The following CNTN4 variants were observed in gnomAD, a reference collection of about 807,000 sequenced individuals.
The protein encoded by CNTN4 is contactin 4, also known as contactin-4.
A neutral mutation model predicts 122.5 loss-of-function variants in CNTN4; 77 were observed. The ratio of observed to expected loss-of-function variants is 0.63; its 90% CI spans 0.52 to 0.76. The LOEUF is 0.76. Among genes scored for constraint, CNTN4 ranks in the 30% least tolerant of loss-of-function variants. The probability of loss-of-function intolerance (pLI) is 0.00; values close to 1 mark genes in which losing one functional copy is unlikely to be tolerated. For missense variants in CNTN4, 1,256 were observed against 1,259.1 expected, an observed-to-expected ratio of 1.00 and a Z score of 0.04; for synonymous variants, 512 against 447.0, an observed-to-expected ratio of 1.15 and a Z score of -1.83.
intron 15 of CNTN4, among the ~76,000 whole-genome samples, chr3:3,026,504 C>A (rs1039225050): frequency 5.9e-5 from 9 of 152,124 alleles, no homozygotes; most frequent in Non-Finnish European, 1.3e-4. Context: ...ATTATTCATT[C>A]CTGTGTATGG....
intron 13 of CNTN4, among the ~76,000 whole-genome samples, chr3:2,977,424 C>CT (rs1209194650): frequency 6.6e-6 from 1 of 152,218 alleles, no homozygotes; most frequent in African/African-American, 2.4e-5. Context: ...AGGCCCTAAT[C>CT]TTTTTTTTCC....
chr3:2,834,163 A>G (rs953781747), intron 7 of CNTN4, among the ~76,000 whole-genome samples: 1 of 151,958 alleles, frequency 6.6e-6, no homozygotes, highest in Non-Finnish European at 1.5e-5. Context: ...TAAATAAAAA[A>G]TAATAATTAA....
At chr3:2,815,317 A>G (rs2092701664) in intron 6 of CNTN4, among the ~76,000 whole-genome samples, 1 of 152,198 alleles carries the variant, frequency 6.6e-6, no homozygotes, top group Admixed American at 6.5e-5. Flanking sequence ...ACAGAGTGGA[A>G]GAAACTCTTC....
At chr3:2,443,148 TAAAA>T (rs10576200) in intron 3 of CNTN4, among the ~76,000 whole-genome samples, 1 of 139,872 alleles carries the variant, frequency 7.1e-6, no homozygotes. Context: ...AAATAAAAGT[TAAAA>T]AAAAAAAAAA....
chr3:2,595,079 A>G (rs1453528495), intron 4 of CNTN4, among the ~76,000 whole-genome samples: 1 of 152,222 alleles, frequency 6.6e-6, no homozygotes, highest in Non-Finnish European at 1.5e-5. Context: ...CAAGCTATAC[A>G]TTAGTGGGAA....
intron 14 of CNTN4, among the ~76,000 whole-genome samples, chr3:3,025,443 G>T (rs1698645548): frequency 6.6e-6 from 1 of 151,950 alleles, no homozygotes; most frequent in Non-Finnish European, 1.5e-5. Context: ...GTTGACAAAG[G>T]AATAAACATG....
chr3:2,543,507 T>C (rs1312200610), intron 3 of CNTN4, among the ~76,000 whole-genome samples: 1 of 152,092 alleles, frequency 6.6e-6, no homozygotes, highest in African/African-American at 2.4e-5. Context: ...GGTTTAGCAC[T>C]GGACTCTGCT....
intron 4 of CNTN4, among the ~76,000 whole-genome samples, chr3:2,652,116 G>A (rs536780990): frequency 1.3e-4 from 20 of 151,374 alleles, no homozygotes; most frequent in African/African-American, 4.6e-4. Flanking sequence ...AACATTTTTC[G>A]ATTGCTGAGG....
intron 12 of CNTN4, among the ~76,000 whole-genome samples, chr3:2,917,397 A>T (rs561237709): frequency 3.1e-4 from 47 of 152,292 alleles, no homozygotes; most frequent in Non-Finnish European, 6.0e-4. Context: ...TTTAAAAAAT[A>T]GAAGATTTAG....
intron 6 of CNTN4, among the ~76,000 whole-genome samples, chr3:2,782,087 G>A (rs1424663089): frequency 6.6e-6 from 1 of 151,938 alleles, no homozygotes; most frequent in Non-Finnish European, 1.5e-5. Context: ...TTATGCAGAT[G>A]AAGCTTTTAG....
rs59025670 is a variant in CNTN4, at chr3:2,659,460, CAAAAAAAA to C, written c.56-76740_56-76733del. On this transcript the variant is annotated intron_variant, in intron 4 of 24. Coordinates refer to ENST00000418658, the MANE Select transcript of CNTN4 (RefSeq NM_175607.3). The stretch of plus-strand genomic sequence containing the variant: ...CTGGGTGACAGAGGAGACTCCATCT[CAAAAAAAA>C]AAAAAAAAAAAAAAGAAGAAGAAGA... Among the ~76,000 whole-genome samples the C allele has an allele frequency of 5.6e-5, 3 of 53,980 alleles. 1 individual carries two copies. The South Asian group carries it at 2.4e-3, about 43-fold the overall frequency. The allele number at this position is 53,980 out of a possible 152,430, so 35.4% of individuals were successfully genotyped here.
At chr3:2,123,077 G>A (rs2033903084) in intron 2 of CNTN4, among the ~76,000 whole-genome samples, 1 of 152,282 alleles carries the variant, frequency 6.6e-6, no homozygotes, top group South Asian at 2.1e-4. Flanking sequence ...GGCATCCTCA[G>A]CAAAGTGATA....
intron 2 of CNTN4, among the ~76,000 whole-genome samples, chr3:2,179,652 ACACT>A (rs2036922935): frequency 6.6e-6 from 1 of 151,814 alleles, no homozygotes; most frequent in South Asian, 2.1e-4. Flanking sequence ...TCACTTATTT[ACACT>A]CAGTGTTTTT....
chr3:2,191,428 G>A (rs771687689), intron 2 of CNTN4, among the ~76,000 whole-genome samples: 1 of 151,992 alleles, frequency 6.6e-6, no homozygotes, highest in Non-Finnish European at 1.5e-5. Flanking sequence ...CCCCGTAGTA[G>A]ACAATTTAAA....
intron 2 of CNTN4, among the ~76,000 whole-genome samples, chr3:2,264,951 G>A (rs533358143): frequency 6.6e-6 from 1 of 151,998 alleles, no homozygotes; most frequent in South Asian, 2.1e-4. Flanking sequence ...AGATTTTGGT[G>A]CCCCCATCAC....
At chr3:2,991,333 T>G (rs953166652) in intron 14 of CNTN4, among the ~76,000 whole-genome samples, 12 of 152,168 alleles carry the variant, frequency 7.9e-5, no homozygotes, top group Non-Finnish European at 1.5e-4. Context: ...CCAGGTAGCC[T>G]GATTGACAGG....
rs141709458 is a variant in CNTN4, at chr3:2,928,441, T to G, written c.1358+2662T>G. On this transcript the variant is annotated intron_variant, in intron 13 of 24. Transcript: ENST00000418658. Reference sequence around the variant, plus strand: ...GAGAAAAAGCAATTGTAGATGAAACTGATGAGTAAAAAATTTTAGAACCCC... The same window carrying G: ...GAGAAAAAGCAATTGTAGATGAAACGGATGAGTAAAAAATTTTAGAACCCC... 6.6e-5 allele frequency among the ~76,000 whole-genome samples: 10 copies of G among 152,334 alleles called. No individual in the cohort carries two copies. The East Asian group carries it at 1.9e-3, about 29-fold the overall frequency.
chr3:3,012,694 C>T (rs980317529), intron 14 of CNTN4, among the ~76,000 whole-genome samples: 9 of 152,190 alleles, frequency 5.9e-5, no homozygotes, highest in African/African-American at 1.2e-4. Flanking sequence ...ATTGGCTGGG[C>T]GCCGTGGCTC....
At chr3:2,941,752 A>T (rs1254035932) in intron 13 of CNTN4, among the ~76,000 whole-genome samples, 2 of 152,098 alleles carry the variant, frequency 1.3e-5, no homozygotes, top group East Asian at 1.9e-4. Flanking sequence ...ATCAAATCTC[A>T]TCACAAATGC....
Sources: gnomAD v4.1 joint callset for allele counts (sites outside exome capture counted in the v4.1 genomes callset) on GRCh38, gnomAD v4.1.1 for gene constraint, MANE v1.5 for transcripts, NCBI Gene and HGNC (gene_info 2026-07-23, HGNC 2026-07-21) for gene names.